The following SLC45A1 variants were observed in gnomAD, a reference collection of about 807,000 sequenced individuals.
SLC45A1 encodes solute carrier family 45 member 1, also known as proton-associated sugar transporter A.
In SLC45A1, 28 loss-of-function variants were observed where a neutral mutation model predicts 57.6. That is an observed-to-expected ratio of 0.49 (90% CI 0.36 to 0.67). The LOEUF is 0.67. SLC45A1 is among the 30% of genes least tolerant of loss of function. The pLI is 0.00. For synonymous variants in SLC45A1, 459 were observed against 471.5 expected (o/e 0.97, Z 0.34); for missense variants, 814 against 1,041.5 (o/e 0.78, Z 3.01).
In SLC45A1 at chr1:8,327,178, G is replaced by T. The variant is rs1640231363; in HGVS notation, c.715+1136G>T. 6.6e-6 allele frequency among the ~76,000 whole-genome samples: 1 copy of T among 151,880 alleles called. No homozygotes were observed. Among genetic ancestry groups the T allele is most frequent in the South Asian group, 2.1e-4 (1 of 4,758 alleles). On this transcript the variant is annotated intron_variant, in intron 4 of 8. Transcript: ENST00000471889. The surrounding 1 kb of genome is among the most constrained non-coding windows in gnomAD (Gnocchi z 4.3). Reference sequence around the variant, plus strand: ...TTCTGAGTTTTCCTCACTAAATGAGGAGGTGAATTCACAAATACAGAATCT... The same window carrying T: ...TTCTGAGTTTTCCTCACTAAATGAGTAGGTGAATTCACAAATACAGAATCT...
At chr1:8,322,778 A>C (rs1386524348) in intron 1 of SLC45A1, among the ~76,000 whole-genome samples, 1 of 152,214 alleles carries the variant, frequency 6.6e-6, no homozygotes, top group East Asian at 1.9e-4. Context: ...AAGTTGTCCC[A>C]GTTTGGGGCC....
At chr1:8,322,227 A>G (rs370073882) in intron 1 of SLC45A1, among the ~76,000 whole-genome samples, 50 of 4,972 alleles carry the variant, frequency 0.01, no homozygotes, top group Middle Eastern at 0.25. Context: ...GGATGGATGG[A>G]TGGGTGGGTG....
At position 8,324,296 on chromosome 1, in the gene SLC45A1, T is replaced by C. The variant is rs761498260; in HGVS notation, c.-24-10T>C. The C allele has an allele frequency of 6.2e-7, 1 of 1,600,358 alleles. No homozygotes were observed. Among genetic ancestry groups the C allele is most frequent in the South Asian group, 1.1e-5 (1 of 89,720 alleles). On this transcript the variant is annotated splice_polypyrimidine_tract_variant and intron_variant, in intron 1 of 8. Transcript: ENST00000471889. Reference sequence around the variant, plus strand: ...AGTAACTGTGGCCTCCCCACGGGCTTTCCTCACAGGGACGCCCACCAGCCC... The same window carrying C: ...AGTAACTGTGGCCTCCCCACGGGCTCTCCTCACAGGGACGCCCACCAGCCC...
rs989634882 is a variant in SLC45A1, at chr1:8,320,652, T to G, written c.-25+2466T>G. 3.4e-5 allele frequency among the ~76,000 whole-genome samples: 5 copies of G among 149,000 alleles called. No individual in the cohort carries two copies. The South Asian group carries it at 1.1e-3, about 32-fold the overall frequency. ...GGGAGACTCTGTCTGTCTGTCTGTCTGTCTGTCTCTCTCTCTCTCTCTCTG... is the reference window on the plus strand; with the variant it reads ...GGGAGACTCTGTCTGTCTGTCTGTCGGTCTGTCTCTCTCTCTCTCTCTCTG... On this transcript the variant is annotated intron_variant, in intron 1 of 8. Coordinates refer to ENST00000471889, the MANE Select transcript of SLC45A1 (RefSeq NM_001080397.3).
chr1:8,330,069 T>C lies in SLC45A1; in HGVS notation c.716-140T>C. On this transcript the variant is annotated intron_variant, in intron 4 of 8. Transcript: ENST00000471889. This position sits in a 1 kb window ranked among gnomAD's most constrained non-coding sequence, Gnocchi z 8.4. ...CCCTGGGAATCCTGTCCCATTTTGT[T>C]GGGGTTTAGGTGGAACAGGTTCTGT... The C allele has an allele frequency of 9.3e-7, 1 of 1,071,954 alleles. No individual in the cohort carries two copies. Among genetic ancestry groups the C allele is most frequent in the South Asian group, 1.6e-5 (1 of 64,302 alleles). The allele number at this position is 1,071,954 out of a possible 1,614,324, so 66.4% of individuals were successfully genotyped here. A position where few individuals can be genotyped will look rare whatever the true frequency, so the allele number is the denominator to read the frequency against.
chr1:8,337,892 G>A lies in SLC45A1; in HGVS notation c.1674G>A (p.Lys558=), dbSNP rs750051210. The stretch of plus-strand genomic sequence containing the variant: ...AGGTGGTGTTTCAGGGGGACCCCAA[G>A]GCCCCGCACACATCAGAGGCGTATC... ...MGEVVFQGDP[K]APHTSEAYQK... is the part of the protein sequence containing the mutation. The change falls in exon 7 of 9, where the codon AAG becomes AAA. Residue 558 remains lysine, a synonymous_variant. Coordinates refer to ENST00000471889, the MANE Select transcript of SLC45A1 (RefSeq NM_001080397.3). 6.2e-7 allele frequency: 1 copy of A among 1,614,238 alleles called. No individual in the cohort carries two copies. The highest frequency in any genetic ancestry group is 8.5e-7 in the Non-Finnish European group (1 of 1,180,038).
At chr1:8,319,462 A>G (rs1053973117) in intron 1 of SLC45A1, among the ~76,000 whole-genome samples, 2 of 152,220 alleles carry the variant, frequency 1.3e-5, no homozygotes, top group Non-Finnish European at 2.9e-5. Flanking sequence ...TGCCGCTTAA[A>G]CTTCCCACAA....
intron 5 of SLC45A1, among the ~76,000 whole-genome samples, chr1:8,333,999 C>T (rs548750602): frequency 3.6e-4 from 55 of 152,346 alleles, no homozygotes; most frequent in Admixed American, 1.4e-3. Flanking sequence ...GTTTTCTAAT[C>T]GCTCAGGTTG....
intron 7 of SLC45A1, among the ~76,000 whole-genome samples, chr1:8,338,895 A>C (rs1002735827): frequency 2.6e-5 from 4 of 152,146 alleles, no homozygotes; most frequent in African/African-American, 9.7e-5. Flanking sequence ...CCCAAAGTAG[A>C]GGGTCACTGA....
At position 8,330,557 on chromosome 1, in the gene SLC45A1, A is replaced by G; in HGVS notation, c.1064A>G (p.Asp355Gly). Residue 355 changes from aspartate to glycine, a missense_variant, in exon 5 of 9, where the codon GAC becomes GGC. Transcript: ENST00000471889. The surrounding 1 kb of genome is among the most constrained non-coding windows in gnomAD (Gnocchi z 8.4). ...TPKYGSFISR[D>G]SSLTGISEFA... ...AAGTACGGCAGCTTCATCAGCAGGG[A>G]CAGCTCCCTGACGGGCATCAGCGAG... The G allele has an allele frequency of 6.2e-6, 10 of 1,613,292 alleles. No homozygotes were observed. Among genetic ancestry groups the G allele is most frequent in the Non-Finnish European group, 7.6e-6 (9 of 1,179,960 alleles).
At chr1:8,341,138 GC>G (rs1640796193) in intron 8 of SLC45A1, among the ~76,000 whole-genome samples, 2 of 150,534 alleles carry the variant, frequency 1.3e-5, no homozygotes, top group South Asian at 4.2e-4. Flanking sequence ...GTTGCAGTGA[GC>G]CGAGATGGCG....
chr1:8,323,789 G>A (rs561303626), intron 1 of SLC45A1, among the ~76,000 whole-genome samples: 4 of 152,344 alleles, frequency 2.6e-5, no homozygotes, highest in Non-Finnish European at 5.9e-5. Context: ...AGGGAGTGGA[G>A]AGGACTGGCT....
At chr1:8,339,000 G>C (rs1377123988) in intron 7 of SLC45A1, among the ~76,000 whole-genome samples, 1 of 152,188 alleles carries the variant, frequency 6.6e-6, no homozygotes, top group Non-Finnish European at 1.5e-5. Context: ...TGTGGCCTTG[G>C]GGCGTGGGGA....
chr1:8,319,249 T>C (rs11121161), intron 1 of SLC45A1, among the ~76,000 whole-genome samples: 83,770 of 152,168 alleles, frequency 0.55, 23,549 homozygotes, highest in East Asian at 0.76. Context: ...CACTGCACTC[T>C]AGTCTGGGCG....
rs371141603 is a variant in SLC45A1, at chr1:8,335,446, A to G, written c.1453A>G (p.Ile485Val). ...NVTFSQQVAN[I>V]LLNGVKYESE... is the part of the protein sequence containing the mutation. ...TGTGGGCTCTTCCCAGGTGGCCAAT[A>G]TCCTGCTCAACGGCGTGAAGTATGA... The change falls in exon 6 of 9, where the codon ATC (isoleucine) becomes GTC (valine). Residue 485 changes from isoleucine to valine, a missense_variant. Ile to Val is a conservative substitution (Grantham distance 29). Transcript: ENST00000471889. The surrounding 1 kb of genome is among the most constrained non-coding windows in gnomAD (Gnocchi z 4.1). The G allele has an allele frequency of 1.9e-5, 31 of 1,591,868 alleles. No individual in the cohort carries two copies. Among genetic ancestry groups the G allele is most frequent in the Non-Finnish European group, 2.6e-5 (30 of 1,175,250 alleles).
rs953795815 is a variant in SLC45A1 at position 8,328,445 on chromosome 1, C to G, written c.716-1764C>G. Among the ~76,000 whole-genome samples the G allele has an allele frequency of 6.6e-6, 1 of 152,202 alleles. No individual in the cohort carries two copies. The highest frequency in any genetic ancestry group is 2.1e-4 in the South Asian group (1 of 4,834). Reference sequence around the variant, plus strand: ...GAACTTCTAAAGGGGCCATGCCGGGCGAGTGCTGGGCTTGGCAGAGAGGAA... The same window carrying G: ...GAACTTCTAAAGGGGCCATGCCGGGGGAGTGCTGGGCTTGGCAGAGAGGAA... On this transcript the variant is annotated intron_variant, in intron 4 of 8. Coordinates refer to ENST00000471889, the MANE Select transcript of SLC45A1 (RefSeq NM_001080397.3). The surrounding 1 kb of genome is among the most constrained non-coding windows in gnomAD (Gnocchi z 4.6).
At chr1:8,331,201 C>T (rs1375885601) in intron 5 of SLC45A1, among the ~76,000 whole-genome samples, 1 of 152,078 alleles carries the variant, frequency 6.6e-6, no homozygotes, top group Non-Finnish European at 1.5e-5. Flanking sequence ...CGTGGCGAAA[C>T]CCCGTCTCTA....
At chr1:8,320,686 TCTCTCTACACACACAC>T (rs1301705778) in intron 1 of SLC45A1, among the ~76,000 whole-genome samples, 1 of 91,482 alleles carries the variant, frequency 1.1e-5, no homozygotes, top group Non-Finnish European at 2.0e-5. Context: ...TGTTTCTCTC[TCTCTCTACACACACAC>T]ACACACACAC....
chr1:8,339,246 G>C (rs553366153), intron 7 of SLC45A1, among the ~76,000 whole-genome samples: 108 of 152,314 alleles, frequency 7.1e-4, no homozygotes, highest in African/African-American at 2.5e-3. Context: ...GGGCCAGTGT[G>C]AACAGGACAC....
Sources: allele counts gnomAD v4.1 joint callset (sites outside exome capture counted in the v4.1 genomes callset), GRCh38; gene constraint gnomAD v4.1.1; non-coding constraint Gnocchi (gnomAD v3.1); transcripts MANE v1.5; gene names NCBI Gene and HGNC (gene_info 2026-07-23, HGNC 2026-07-21).